SAMD4A: variants seen among roughly 807,000 people sequenced by gnomAD.
SAMD4A encodes sterile alpha motif domain containing 4A.
SAMD4A carries 33 observed loss-of-function variants against 81.3 expected under a neutral mutation model. That is an observed-to-expected ratio of 0.41 (90% CI 0.31 to 0.54). SAMD4A has a LOEUF of 0.54. SAMD4A is among the 20% of genes least tolerant of loss of function. The pLI, the probability that SAMD4A is intolerant of heterozygous loss-of-function variation, is 0.37. For missense variants in SAMD4A, 854 were observed against 951.1 expected (o/e 0.90, Z 1.34); for synonymous variants, 389 against 382.1 (o/e 1.02, Z -0.21).
At chr14:54,770,341 G>A (rs147492432) in intron 9 of SAMD4A, 119 bp downstream of exon 9, 201 of 712,766 alleles carry the variant, frequency 2.8e-4, no homozygotes, top group Admixed American at 9.4e-4. Flanking sequence ...AAGATGCCCT[G>A]TGGCGAGTTC....
chr14:54,729,883 T>TA (rs1227988494), intron 3 of SAMD4A, among the ~76,000 whole-genome samples: 2 of 152,220 alleles, frequency 1.3e-5, no homozygotes, highest in African/African-American at 4.8e-5. Flanking sequence ...GATTTCTATT[T>TA]AAAGTATATA....
chr14:54,731,440 C>T (rs1020309233), intron 3 of SAMD4A, among the ~76,000 whole-genome samples: 13 of 152,206 alleles, frequency 8.5e-5, no homozygotes, highest in African/African-American at 2.9e-4. Flanking sequence ...ACACAGCATA[C>T]ATCACCTGAG....
intron 2 of SAMD4A, among the ~76,000 whole-genome samples, chr14:54,655,001 A>T (rs1376077778): frequency 6.6e-6 from 1 of 152,134 alleles, no homozygotes; most frequent in Non-Finnish European, 1.5e-5. Flanking sequence ...TTCAGGTTGG[A>T]TTTCAAGGGA....
chr14:54,607,045 C>T (rs1305373402), intron 2 of SAMD4A, among the ~76,000 whole-genome samples: 1 of 152,180 alleles, frequency 6.6e-6, no homozygotes, highest in African/African-American at 2.4e-5. Context: ...AGGCCTTGGC[C>T]GAACGTGGCA....
intron 3 of SAMD4A, among the ~76,000 whole-genome samples, chr14:54,716,596 G>A (rs17127801): frequency 0.038 from 5,807 of 152,128 alleles, 363 homozygotes; most frequent in African/African-American, 0.13. Context: ...TTAGTTGCTC[G>A]TTAGTCTTCA....
chr14:54,644,483 T>G (rs2035242645), intron 2 of SAMD4A, among the ~76,000 whole-genome samples: 1 of 152,128 alleles, frequency 6.6e-6, no homozygotes, highest in African/African-American at 2.4e-5. Flanking sequence ...AGTAAGTAGG[T>G]AGATGTTTTT....
At chr14:54,588,087 T>G (rs539492950) in intron 2 of SAMD4A, among the ~76,000 whole-genome samples, 74 of 152,196 alleles carry the variant, frequency 4.9e-4, no homozygotes, top group Non-Finnish European at 9.7e-4. Flanking sequence ...TGTTCAGAGA[T>G]TCTGTGTCTT....
chr14:54,626,883 T>C (rs1015788863), intron 2 of SAMD4A, among the ~76,000 whole-genome samples: 7 of 152,220 alleles, frequency 4.6e-5, no homozygotes, highest in Admixed American at 2.6e-4. Flanking sequence ...ATTTTAGAGC[T>C]GAAGAAACAG....
In SAMD4A at chr14:54,760,278, C is replaced by T. The variant is rs768310537; in HGVS notation, c.1294C>T (p.Pro432Ser). 1.2e-6 allele frequency: 2 copies of T among 1,612,312 alleles called. No individual in the cohort carries two copies. The highest frequency in any genetic ancestry group is 1.1e-5 in the South Asian group (1 of 90,960). Residue 432 changes from proline to serine, a missense_variant, in exon 7 of 13, where the codon CCC becomes TCC. Coordinates refer to ENST00000554335, the MANE Select transcript of SAMD4A (RefSeq NM_015589.6). The stretch of plus-strand genomic sequence containing the variant: ...CACCCCCGAGGCTCGCCGCCGGGAG[C>T]CCCAGGCCCCGCGTCAGCCCTCACT... ...STTPEARRREPQAPRQPSLMG... is the reference protein window; with the variant it reads ...STTPEARRRESQAPRQPSLMG...
At chr14:54,645,260 A>G (rs1006610330) in intron 2 of SAMD4A, among the ~76,000 whole-genome samples, 1 of 152,166 alleles carries the variant, frequency 6.6e-6, no homozygotes, top group South Asian at 2.1e-4. Context: ...TGAGCCGAGG[A>G]GTTTGAAACC....
At chr14:54,769,955 A>G (rs2038657652) in intron 8 of SAMD4A, 149 bp from the exon 9 acceptor site, 8 of 605,752 alleles carry the variant, frequency 1.3e-5, no homozygotes, top group Non-Finnish European at 2.1e-5. Flanking sequence ...GCAGCTCCCA[A>G]ATTAAACTGA....
At chr14:54,711,026 A>C (rs1231846445) in intron 3 of SAMD4A, among the ~76,000 whole-genome samples, 2 of 152,166 alleles carry the variant, frequency 1.3e-5, no homozygotes, top group Non-Finnish European at 2.9e-5. Context: ...CTAGGCAACC[A>C]CTATAATTCA....
chr14:54,736,605 ATGTCAG>A (rs2037700512), intron 3 of SAMD4A, among the ~76,000 whole-genome samples: 1 of 152,248 alleles, frequency 6.6e-6, no homozygotes. Context: ...AACATGGGTA[ATGTCAG>A]AATTTCTGTT....
intron 11 of SAMD4A, among the ~76,000 whole-genome samples, chr14:54,782,729 C>T (rs1009325192): frequency 6.6e-6 from 1 of 152,250 alleles, no homozygotes; most frequent in Non-Finnish European, 1.5e-5. Context: ...ACGGAAGCAA[C>T]ATCTGCCTCT....
At chr14:54,757,383 T>TGTGTGTG (rs1429967616) in intron 6 of SAMD4A, among the ~76,000 whole-genome samples, 6 of 140,158 alleles carry the variant, frequency 4.3e-5, no homozygotes, top group African/African-American at 1.6e-4. Context: ...GTTTCTTTAT[T>TGTGTGTG]TGTGTGTGTG....
chr14:54,573,911 C>T (rs1390949104), intron 2 of SAMD4A, among the ~76,000 whole-genome samples: 3 of 152,188 alleles, frequency 2.0e-5, no homozygotes, highest in Non-Finnish European at 2.9e-5. Flanking sequence ...CCCTGGAACC[C>T]GGAAGCTCAT....
intron 2 of SAMD4A, among the ~76,000 whole-genome samples, chr14:54,611,967 T>C (rs2034369369): frequency 6.6e-6 from 1 of 151,980 alleles, no homozygotes. Context: ...AAACTGCAGA[T>C]AGAAATCCTC....
chr14:54,598,320 A>G (rs553785641), intron 2 of SAMD4A, among the ~76,000 whole-genome samples: 1 of 152,292 alleles, frequency 6.6e-6, no homozygotes, highest in East Asian at 1.9e-4. Flanking sequence ...TTTTTCCTCT[A>G]CAAATATATA....
intron 2 of SAMD4A, among the ~76,000 whole-genome samples, chr14:54,623,228 C>T (rs2034661300): frequency 6.6e-6 from 1 of 152,176 alleles, no homozygotes. Context: ...CTCTGCTGGT[C>T]TGCCCATCTA....
Sources: gnomAD v4.1 joint callset for allele counts (sites outside exome capture counted in the v4.1 genomes callset) on GRCh38, gnomAD v4.1.1 for gene constraint, MANE v1.5 for transcripts, NCBI Gene and HGNC (gene_info 2026-07-23, HGNC 2026-07-21) for gene names.